Variants in CSMD3 observed in about 807,000 individuals in gnomAD.
CSMD3 encodes CUB and Sushi multiple domains 3.
In CSMD3, 177 loss-of-function variants were observed where a neutral mutation model predicts 435.2. The observed-to-expected ratio is 0.41, with a 90% confidence interval of 0.36 to 0.46. The LOEUF is 0.46. Among genes scored for constraint, CSMD3 ranks in the 20% least tolerant of loss-of-function variants. The pLI, the probability that CSMD3 is intolerant of heterozygous loss-of-function variation, is 0.34. For missense variants in CSMD3, 4,265 were observed against 4,504.6 expected (o/e 0.95, Z 1.52); for synonymous variants, 1,656 against 1,520.5 (o/e 1.09, Z -2.07).
intron 3 of CSMD3, among the ~76,000 whole-genome samples, chr8:113,186,430 C>G (rs1385577253): frequency 6.6e-6 from 1 of 151,992 alleles, no homozygotes; most frequent in Non-Finnish European, 1.5e-5. Context: ...GCCTTTCAAA[C>G]AGGATGTTGT....
intron 27 of CSMD3, among the ~76,000 whole-genome samples, chr8:112,546,603 A>C (rs1288869859): frequency 6.6e-6 from 1 of 152,192 alleles, no homozygotes; most frequent in Non-Finnish European, 1.5e-5. Context: ...AGAATCTACT[A>C]TTCTGTGGGC....
chr8:112,667,228 T>C (rs1428224383), intron 16 of CSMD3, among the ~76,000 whole-genome samples: 1 of 152,130 alleles, frequency 6.6e-6, no homozygotes, highest in Non-Finnish European at 1.5e-5. Context: ...AAAATCACTT[T>C]GAAGTCAACT....
At chr8:112,759,094 C>T (rs1268464116) in intron 13 of CSMD3, among the ~76,000 whole-genome samples, 3 of 152,042 alleles carry the variant, frequency 2.0e-5, no homozygotes, top group Admixed American at 1.3e-4. Flanking sequence ...TTGCATTACT[C>T]TATTACACAA....
intron 9 of CSMD3, among the ~76,000 whole-genome samples, chr8:112,945,588 ATGTGTGTG>A (rs10574750): frequency 1.1e-3 from 153 of 140,682 alleles, no homozygotes; most frequent in Middle Eastern, 3.8e-3. Context: ...ATACAGAAAT[ATGTGTGTG>A]TGTGTGTGTG....
chr8:112,249,073 C>T (rs1815025403), intron 63 of CSMD3, among the ~76,000 whole-genome samples: 2 of 152,068 alleles, frequency 1.3e-5, no homozygotes, highest in Admixed American at 1.3e-4. Context: ...ATACAGTTTG[C>T]AGTTCTATTC....
At chr8:113,142,787 G>C (rs1287168759) in intron 4 of CSMD3, among the ~76,000 whole-genome samples, 1 of 150,522 alleles carries the variant, frequency 6.6e-6, no homozygotes, top group Non-Finnish European at 1.5e-5. Context: ...ACATGCTTGA[G>C]GTGATGGCTA....
At chr8:113,402,979 G>C (rs1257077354) in intron 1 of CSMD3, among the ~76,000 whole-genome samples, 2 of 151,216 alleles carry the variant, frequency 1.3e-5, no homozygotes, top group African/African-American at 4.8e-5. Flanking sequence ...CTTCAAGACA[G>C]AATAGAGTAA....
chr8:112,621,569 T>C (rs928449815), intron 22 of CSMD3, among the ~76,000 whole-genome samples: 3 of 152,156 alleles, frequency 2.0e-5, no homozygotes, highest in Non-Finnish European at 4.4e-5. Context: ...CTTGTGGCCA[T>C]GTATATTTGC....
intron 5 of CSMD3, among the ~76,000 whole-genome samples, chr8:113,069,928 C>A (rs947682066): frequency 1.3e-5 from 2 of 152,002 alleles, no homozygotes; most frequent in African/African-American, 2.4e-5. Flanking sequence ...AAGGCAGTTG[C>A]CCAAGAGAGG....
At chr8:112,636,538 T>TTCTA (rs5894094) in intron 22 of CSMD3, among the ~76,000 whole-genome samples, 11,965 of 149,282 alleles carry the variant, frequency 0.08, 517 homozygotes, top group East Asian at 0.17. Flanking sequence ...TCTATCATAT[T>TTCTA]TCTATCTATC....
At chr8:112,374,983 C>T (rs1828809258) in intron 38 of CSMD3, among the ~76,000 whole-genome samples, 1 of 152,156 alleles carries the variant, frequency 6.6e-6, no homozygotes, top group African/African-American at 2.4e-5. Flanking sequence ...GATTAAACGC[C>T]ATTCACTTTG....
At chr8:112,922,177 T>C (rs1243715692) in intron 9 of CSMD3, among the ~76,000 whole-genome samples, 3 of 152,106 alleles carry the variant, frequency 2.0e-5, no homozygotes, top group South Asian at 2.1e-4. Context: ...TATTTAGAGA[T>C]GCAAAATTGT....
At chr8:112,225,028 C>T in intron 70 of CSMD3, 98 bp from the exon 71 acceptor site, 3 of 1,174,406 alleles carry the variant, frequency 2.6e-6, no homozygotes, top group African/African-American at 1.5e-5. Flanking sequence ...GATAATGTAA[C>T]TTAAAAATAT....
At chr8:112,361,604 TA>T (rs1563841216) in intron 38 of CSMD3, among the ~76,000 whole-genome samples, 13 of 133,282 alleles carry the variant, frequency 9.8e-5, no homozygotes, top group African/African-American at 3.7e-4. Flanking sequence ...TATATATATA[TA>T]TATATATATA....
At chr8:113,398,742 C>T (rs1352500535) in intron 1 of CSMD3, among the ~76,000 whole-genome samples, 1 of 152,064 alleles carries the variant, frequency 6.6e-6, no homozygotes, top group African/African-American at 2.4e-5. Context: ...TGTGTCCCTA[C>T]AGCACTTCAG....
chr8:113,311,327 G>A (rs1437019624), intron 2 of CSMD3: 2 of 151,860 alleles, frequency 1.3e-5, no homozygotes, highest in Admixed American at 1.3e-4. Context: ...ATTAATCATT[G>A]GAGGCTTAGA....
chr8:113,337,516 T>C (rs898527161), intron 1 of CSMD3, among the ~76,000 whole-genome samples: 6 of 152,150 alleles, frequency 3.9e-5, no homozygotes, highest in Non-Finnish European at 8.8e-5. Context: ...AATATATAGC[T>C]AACATTATTA....
At chr8:113,364,331 T>C (rs17682329) in intron 1 of CSMD3, among the ~76,000 whole-genome samples, 14,929 of 151,954 alleles carry the variant, frequency 0.098, 850 homozygotes, top group Middle Eastern at 0.16. Flanking sequence ...ACTCTATGTA[T>C]AGTTGAGGAG....
intron 4 of CSMD3, among the ~76,000 whole-genome samples, chr8:113,131,613 A>G (rs1588128818): frequency 6.6e-6 from 1 of 152,222 alleles, no homozygotes. Context: ...CAGAGACCTC[A>G]TGGAGAACCT....
Sources: allele counts gnomAD v4.1 joint callset (sites outside exome capture counted in the v4.1 genomes callset), GRCh38; gene constraint gnomAD v4.1.1; transcripts MANE v1.5; gene names NCBI Gene and HGNC (gene_info 2026-07-23, HGNC 2026-07-21).